Variants in PHLPP1 observed in about 807,000 individuals in gnomAD.
PHLPP1 encodes PH domain leucine-rich repeat-containing protein phosphatase 1.
PHLPP1 carries 42 observed loss-of-function variants against 117.2 expected under a neutral mutation model. The observed-to-expected ratio is 0.36, with a 90% CI of 0.28 to 0.46. PHLPP1 has a LOEUF of 0.46. Among genes scored for constraint, PHLPP1 ranks in the 20% least tolerant of loss-of-function variants. The probability of loss-of-function intolerance (pLI) is 1.00; values close to 1 mark genes in which losing one functional copy is unlikely to be tolerated. For synonymous variants in PHLPP1, 1,042 were observed against 970.7 expected (o/e 1.07, Z -1.37); for missense variants, 2,084 against 2,241.9 (o/e 0.93, Z 1.42).
rs1044859533 is a variant in PHLPP1, at chr18:62,716,624, G to C, written c.941G>C (p.Arg314Pro). ...LPVGGPGGWS[R>P]RASPAPSDSS... Reference sequence around the variant, plus strand: ...GTCGGCGGCCCGGGCGGGTGGTCGCGCCGCGCCAGCCCAGCGCCCTCGGAC... The same window carrying C: ...GTCGGCGGCCCGGGCGGGTGGTCGCCCCGCGCCAGCCCAGCGCCCTCGGAC... Residue 314 changes from arginine (R) to proline (P), a missense_variant, in exon 1 of 17, where the codon CGC (arginine) becomes CCC (proline). By Grantham distance (103) the Arg-to-Pro change is moderately radical (BLOSUM62 -2). This residue lies in a region of PHLPP1 where 719 missense variants were observed against 636.0 expected (regional missense o/e 1.13). Transcript: ENST00000262719. The surrounding 1 kb of genome is among the most constrained non-coding windows in gnomAD (Gnocchi z 5.7). 6 of 1,318,898 alleles carry C rather than the reference G, an allele frequency of 4.5e-6. No individual in the cohort carries two copies. The highest frequency in any genetic ancestry group is 4.8e-6 in the Non-Finnish European group (5 of 1,036,526). The allele number at this position is 1,318,898 out of a possible 1,614,324, so 81.7% of individuals were successfully genotyped here.
intron 1 of PHLPP1, among the ~76,000 whole-genome samples, chr18:62,802,819 G>T (rs962386995): frequency 6.6e-6 from 1 of 152,066 alleles, no homozygotes; most frequent in African/African-American, 2.4e-5. Context: ...AGGTAGAAAC[G>T]TACTAATTAT....
chr18:62,775,085 G>A (rs539983300), intron 1 of PHLPP1, among the ~76,000 whole-genome samples: 3 of 152,078 alleles, frequency 2.0e-5, no homozygotes, highest in African/African-American at 4.8e-5. Context: ...AGAATCTGTG[G>A]GACACTAATA....
intron 10 of PHLPP1, among the ~76,000 whole-genome samples, chr18:62,927,173 A>G (rs553239825): frequency 1.3e-5 from 2 of 152,348 alleles, no homozygotes; most frequent in South Asian, 2.1e-4. Flanking sequence ...CAGAGGACAC[A>G]CAGCCCTTCC....
intron 7 of PHLPP1, among the ~76,000 whole-genome samples, chr18:62,904,864 A>G (rs1206038498): frequency 6.6e-6 from 1 of 152,250 alleles, no homozygotes; most frequent in Non-Finnish European, 1.5e-5. Context: ...GATGAGGGCA[A>G]AAGACAAGAA....
intron 4 of PHLPP1, among the ~76,000 whole-genome samples, chr18:62,880,650 T>C (rs1001633478): frequency 2.6e-5 from 4 of 152,302 alleles, no homozygotes; most frequent in African/African-American, 7.2e-5. Context: ...AATGTAGTCA[T>C]GGATAAATTG....
At position 62,926,563 on chromosome 18, in the gene PHLPP1, A is replaced by G. The variant is rs141232535; in HGVS notation, c.2960+6449A>G. ...AGTGAGGGGTGTGCGTATCCCCAGA[A>G]ACCATGAAAATGCATTAGGACAGGG... On this transcript the variant is annotated intron_variant, in intron 10 of 16. Coordinates refer to ENST00000262719, the MANE Select transcript of PHLPP1 (RefSeq NM_194449.4). 7.9e-5 allele frequency among the ~76,000 whole-genome samples: 12 copies of G among 152,290 alleles called. 1 individual carries two copies. In the South Asian group the frequency reaches 1.7e-3, roughly 21 times the overall value.
chr18:62,784,035 A>T (rs1422693703), intron 1 of PHLPP1, among the ~76,000 whole-genome samples: 1 of 150,952 alleles, frequency 6.6e-6, no homozygotes, highest in African/African-American at 2.4e-5. Context: ...ACCCAGGCTC[A>T]TGGCCTCCAA....
At chr18:62,801,642 G>A (rs1913789334) in intron 1 of PHLPP1, among the ~76,000 whole-genome samples, 1 of 151,784 alleles carries the variant, frequency 6.6e-6, no homozygotes, top group Admixed American at 6.6e-5. Flanking sequence ...TACTAGAGAT[G>A]GGTTTCCCCA....
chr18:62,979,271 T>C lies in PHLPP1; in HGVS notation c.4994T>C (p.Ile1665Thr). Residue 1665 changes from isoleucine to threonine, a missense_variant, in exon 17 of 17, where the codon ATC (isoleucine) becomes ACC (threonine). Physicochemically the swap from Ile to Thr is moderately conservative, Grantham distance 89. This residue lies in a region of PHLPP1 where 1,365 missense variants were observed against 1,605.9 expected (regional missense o/e 0.85). Coordinates refer to ENST00000262719, the MANE Select transcript of PHLPP1 (RefSeq NM_194449.4). ...PAQPDPDDQF[I>T]IPPELEEEVK... ...CAGCCGGATCCTGATGATCAGTTTA[T>C]CATACCCCCGGAGCTGGAAGAGGAG... The C allele has an allele frequency of 6.4e-7, 1 of 1,569,920 alleles. No homozygotes were observed. Among genetic ancestry groups the C allele is most frequent in the Non-Finnish European group, 8.6e-7 (1 of 1,157,020 alleles).
At chr18:62,765,103 C>T (rs1912423033) in intron 1 of PHLPP1, among the ~76,000 whole-genome samples, 1 of 152,198 alleles carries the variant, frequency 6.6e-6, no homozygotes, top group Admixed American at 6.5e-5. Flanking sequence ...TCCTCCAAGT[C>T]ACTCAGGATT....
At chr18:62,822,255 A>G (rs1318935177) in intron 1 of PHLPP1, among the ~76,000 whole-genome samples, 1 of 151,072 alleles carries the variant, frequency 6.6e-6, no homozygotes, top group African/African-American at 2.4e-5. Flanking sequence ...GAGGATCTGT[A>G]GAAAATAGTG....
chr18:62,960,472 A>G (rs574859177), intron 13 of PHLPP1, among the ~76,000 whole-genome samples: 2 of 152,226 alleles, frequency 1.3e-5, no homozygotes, highest in Non-Finnish European at 2.9e-5. Flanking sequence ...AAGAGTAGAT[A>G]TAAATGGCAA....
chr18:62,793,230 G>A (rs1055858107), intron 1 of PHLPP1, among the ~76,000 whole-genome samples: 1 of 152,126 alleles, frequency 6.6e-6, no homozygotes, highest in Non-Finnish European at 1.5e-5. Flanking sequence ...AATGTAGATT[G>A]CAGGGGGGTG....
chr18:62,914,005 A>T (rs1404106114), intron 8 of PHLPP1, among the ~76,000 whole-genome samples: 1 of 152,114 alleles, frequency 6.6e-6, no homozygotes, highest in East Asian at 1.9e-4. Flanking sequence ...TGGGCCTCCC[A>T]AAGTGCCGGG....
intron 1 of PHLPP1, among the ~76,000 whole-genome samples, chr18:62,782,090 T>C (rs560911528): frequency 6.6e-6 from 1 of 152,368 alleles, no homozygotes; most frequent in African/African-American, 2.4e-5. Flanking sequence ...AGCCATACTT[T>C]TGATTTCATG....
At chr18:62,728,798 C>T (rs373654197) in intron 1 of PHLPP1, among the ~76,000 whole-genome samples, 4 of 152,140 alleles carry the variant, frequency 2.6e-5, no homozygotes, top group Admixed American at 6.5e-5. Flanking sequence ...TGAGCCACTG[C>T]GCCTGGCCTG....
At chr18:62,877,945 T>C (rs1916089536) in intron 4 of PHLPP1, among the ~76,000 whole-genome samples, 1 of 152,220 alleles carries the variant, frequency 6.6e-6, no homozygotes, top group Non-Finnish European at 1.5e-5. Flanking sequence ...TGTTGACTTT[T>C]TGGGATAGTT....
intron 1 of PHLPP1, among the ~76,000 whole-genome samples, chr18:62,814,568 T>G (rs1327232708): frequency 6.6e-6 from 1 of 152,228 alleles, no homozygotes; most frequent in Non-Finnish European, 1.5e-5. Context: ...CAGTCTAAGC[T>G]CTGAAGATAA....
chr18:62,785,088 G>A (rs595146), intron 1 of PHLPP1, among the ~76,000 whole-genome samples: 6,443 of 152,264 alleles, frequency 0.042, 207 homozygotes, highest in Non-Finnish European at 0.066. Flanking sequence ...TGTAATTGAT[G>A]TATTGTTTAT....
Sources: gnomAD v4.1 joint callset for allele counts (sites outside exome capture counted in the v4.1 genomes callset) on GRCh38, gnomAD v4.1.1 for gene constraint, gnomAD v4.1.1 regional missense constraint, Gnocchi (gnomAD v3.1) non-coding constraint, MANE v1.5 for transcripts, NCBI Gene and HGNC (gene_info 2026-07-23, HGNC 2026-07-21) for gene names.